The following PRKCH variants were observed in gnomAD, a reference collection of about 807,000 sequenced individuals.
PRKCH encodes the protein protein kinase C eta type.
In PRKCH, 28 loss-of-function variants were observed where a neutral mutation model predicts 82.5. That is an observed-to-expected ratio of 0.34 (90% confidence interval 0.25 to 0.47). The LOEUF (loss-of-function observed/expected upper bound fraction) is 0.47. Among genes scored for constraint, PRKCH ranks in the 20% least tolerant of loss-of-function variants. The probability of loss-of-function intolerance (pLI) is 1.00; values close to 1 mark genes in which losing one functional copy is unlikely to be tolerated. For synonymous variants in PRKCH, 322 were observed against 327.4 expected (o/e 0.98, Z 0.18); for missense variants, 705 against 881.8 (o/e 0.80, Z 2.54).
chr14:61,311,458 T>G (rs953731724), intron 1 of PRKCH, among the ~76,000 whole-genome samples: 2 of 152,200 alleles, frequency 1.3e-5, no homozygotes, highest in Non-Finnish European at 2.9e-5. Flanking sequence ...ACTACCAGCA[T>G]TTTGGCTCCA....
Position 61,550,007 on chromosome 14 carries a change from G to C in PRKCH, c.*176G>C. The C allele has an allele frequency of 1.6e-6, 1 of 620,272 alleles. No individual in the cohort carries two copies. Among genetic ancestry groups the C allele is most frequent in the South Asian group, 2.6e-5 (1 of 38,190 alleles). The allele number at this position is 620,272 out of a possible 1,614,324, so 38.4% of individuals were successfully genotyped here. A position where few individuals can be genotyped will look rare whatever the true frequency, so the allele number is the denominator to read the frequency against. ...TCAGATATCAACTATTTAGAGTCCAGAGGGAGCCATGGCACTAGAAATAGT... is the reference window on the plus strand; with the variant it reads ...TCAGATATCAACTATTTAGAGTCCACAGGGAGCCATGGCACTAGAAATAGT... On this transcript the variant is annotated 3_prime_UTR_variant, in exon 14 of 14. Coordinates refer to ENST00000332981, the MANE Select transcript of PRKCH (RefSeq NM_006255.5).
At chr14:61,415,012 G>C (rs1882480467) in intron 2 of PRKCH, among the ~76,000 whole-genome samples, 1 of 152,048 alleles carries the variant, frequency 6.6e-6, no homozygotes. Flanking sequence ...CACTCTCAGT[G>C]GTTACCTTCA....
chr14:61,417,135 G>A (rs938690557), intron 2 of PRKCH, among the ~76,000 whole-genome samples: 6 of 152,188 alleles, frequency 3.9e-5, no homozygotes, highest in Admixed American at 3.9e-4. Context: ...TTGAAGAGGA[G>A]GGGTTGGGGT....
At chr14:61,468,532 C>A (rs1344296623) in intron 9 of PRKCH, among the ~76,000 whole-genome samples, 1 of 152,160 alleles carries the variant, frequency 6.6e-6, no homozygotes, top group Non-Finnish European at 1.5e-5. Flanking sequence ...GGCTACCAGG[C>A]TTTCTGACCT....
chr14:61,476,019 A>T (rs1358794625), intron 9 of PRKCH, among the ~76,000 whole-genome samples: 1 of 152,224 alleles, frequency 6.6e-6, no homozygotes, highest in Admixed American at 6.5e-5. Context: ...AAATAGAAAA[A>T]TCAAAGCTTT....
At chr14:61,317,132 G>C (rs1339694998), upstream of PRKCH, among the ~76,000 whole-genome samples, 1 of 152,176 alleles carries the variant, frequency 6.6e-6, no homozygotes, top group Admixed American at 6.5e-5. Context: ...TTTTAACTAA[G>C]GCCCATGCTT....
chr14:61,239,955 C>T (rs926662772), intron 1 of PRKCH, among the ~76,000 whole-genome samples: 2 of 152,164 alleles, frequency 1.3e-5, no homozygotes, highest in African/African-American at 2.4e-5. Flanking sequence ...GTATATTTTA[C>T]TTTTTTGTTG....
rs370547263 is a variant in PRKCH at position 61,339,742 on chromosome 14, C to T, written c.363+17278C>T. Among the ~76,000 whole-genome samples, 312 of 143,568 alleles carry T rather than the reference C, an allele frequency of 2.2e-3. 17 individuals carry two copies. The South Asian group carries it at 0.068, about 31-fold the overall frequency. The allele number at this position is 143,568 out of a possible 152,430, so 94.2% of individuals were successfully genotyped here. On this transcript the variant is annotated intron_variant, in intron 1 of 13. Coordinates refer to ENST00000332981, the MANE Select transcript of PRKCH (RefSeq NM_006255.5). ...TGTCATCCAGGCCAGAGTGCAGTGG[C>T]GCAATCTCAGCTCACTGCTACCTTA...
In PRKCH at chr14:61,350,116, A is replaced by G. The variant is rs1404828987; in HGVS notation, c.363+27652A>G. Among the ~76,000 whole-genome samples, 7 of 152,186 alleles carry G rather than the reference A, an allele frequency of 4.6e-5. No homozygotes were observed. In the East Asian group the frequency reaches 1.3e-3, roughly 29 times the overall value. On this transcript the variant is annotated intron_variant, in intron 1 of 13. Coordinates refer to ENST00000332981, the MANE Select transcript of PRKCH (RefSeq NM_006255.5). ...GGAGCTGGGAAAATAACCATCATTT[A>G]TATAGTGCTTTATATGCTGTCTCTT...
At chr14:61,298,045 CT>C (rs1287941134) in intron 1 of PRKCH, 1 of 152,178 alleles carries the variant, frequency 6.6e-6, no homozygotes, top group African/African-American at 2.4e-5. Context: ...CATCCCCAGA[CT>C]TTGTCCCCTA....
chr14:61,504,877 A>C (rs994038579), intron 10 of PRKCH, among the ~76,000 whole-genome samples: 2 of 152,150 alleles, frequency 1.3e-5, no homozygotes, highest in African/African-American at 4.8e-5. Context: ...TTCATTTATT[A>C]ATCCATCCAT....
chr14:61,334,037 A>G (rs924060370), intron 1 of PRKCH, among the ~76,000 whole-genome samples: 2 of 152,120 alleles, frequency 1.3e-5, no homozygotes, highest in African/African-American at 4.8e-5. Context: ...ATGTTGGTGG[A>G]AACTGAGCTG....
intron 1 of PRKCH, among the ~76,000 whole-genome samples, chr14:61,202,221 C>T (rs922167102): frequency 2.6e-5 from 4 of 152,152 alleles, no homozygotes; most frequent in Non-Finnish European, 5.9e-5. Flanking sequence ...ATTACACGCC[C>T]ACCCATCCCA....
rs371710610 is a variant in PRKCH at position 61,194,453 on chromosome 14, C to A, written c.-19+6785C>A. Among the ~76,000 whole-genome samples the A allele has an allele frequency of 6.5e-4, 99 of 152,278 alleles. No homozygotes were observed. The South Asian group carries it at 0.02, about 31-fold the overall frequency. ...AAGAGACCCCTGGAGAGATCCTGCA[C>A]CCGTTCTACCATGTGAAGACACAGC... is the stretch of plus-strand genomic sequence containing the variant. On this transcript the variant is annotated intron_variant, in intron 1 of 3. Coordinates refer to the PRKCH transcript ENST00000555185.
At chr14:61,253,199 A>C (rs1270264373) in intron 1 of PRKCH, among the ~76,000 whole-genome samples, 1 of 152,176 alleles carries the variant, frequency 6.6e-6, no homozygotes, top group Admixed American at 6.5e-5. Flanking sequence ...TATGTTAAGC[A>C]ATTTTTTAAG....
chr14:61,530,288 C>T lies in PRKCH; in HGVS notation c.1573-119C>T, dbSNP rs539097388. The T allele has an allele frequency of 5.4e-6, 6 of 1,115,516 alleles. No homozygotes were observed. The South Asian group carries it at 1.2e-4, about 22-fold the overall frequency. 69.1% of individuals were successfully genotyped at this position (1,115,516 alleles called of 1,614,324 possible). A position where few individuals can be genotyped will look rare whatever the true frequency, so the allele number is the denominator to read the frequency against. ...ATGGAATGAAATACGCTTGCTAGCA[C>T]AGGAGACTTTTTTAAAAAAACTTTG... On this transcript the variant is annotated intron_variant, in intron 11 of 13. Coordinates refer to ENST00000332981, the MANE Select transcript of PRKCH (RefSeq NM_006255.5).
At chr14:61,471,729 G>A (rs1325171153) in intron 9 of PRKCH, among the ~76,000 whole-genome samples, 1 of 151,906 alleles carries the variant, frequency 6.6e-6, no homozygotes, top group Admixed American at 6.6e-5. Context: ...TGTTGGGGGT[G>A]GGGGCTGTCC....
At chr14:61,426,020 C>A (rs1181338907) in intron 2 of PRKCH, among the ~76,000 whole-genome samples, 1 of 152,200 alleles carries the variant, frequency 6.6e-6, no homozygotes, top group Non-Finnish European at 1.5e-5. Context: ...TTTCTTGAGG[C>A]CTTTCCAGCC....
chr14:61,210,025 T>C (rs1391002532), intron 1 of PRKCH, among the ~76,000 whole-genome samples: 1 of 149,100 alleles, frequency 6.7e-6, no homozygotes, highest in Non-Finnish European at 1.5e-5. Flanking sequence ...GATCACGAGG[T>C]CAGGAGTTCA....
Sources: gnomAD v4.1 joint callset for allele counts (sites outside exome capture counted in the v4.1 genomes callset) on GRCh38, gnomAD v4.1.1 for gene constraint, MANE v1.5 for transcripts, NCBI Gene and HGNC (gene_info 2026-07-23, HGNC 2026-07-21) for gene names.